ZNF438: variants seen among roughly 807,000 people sequenced by gnomAD.
ZNF438 encodes zinc finger protein 438.
ZNF438 carries 25 observed loss-of-function variants against 38.0 expected under a neutral mutation model. The observed-to-expected ratio is 0.66, with a 90% CI of 0.48 to 0.92. The LOEUF is 0.92. ZNF438 is among the 40% of genes least tolerant of loss of function. The pLI is 0.00. For synonymous variants in ZNF438, 372 were observed against 364.1 expected (o/e 1.02, Z -0.25); for missense variants, 1,007 against 999.6 (o/e 1.01, Z -0.10).
At chr10:30,995,702 C>A (rs1343195924) in intron 1 of ZNF438, among the ~76,000 whole-genome samples, 1 of 152,232 alleles carries the variant, frequency 6.6e-6, no homozygotes, top group African/African-American at 2.4e-5. Context: ...ATTGGGCTAA[C>A]AACATTTACT....
At chr10:30,920,489 A>G (rs1327994944) in intron 2 of ZNF438, 1 of 152,044 alleles carries the variant, frequency 6.6e-6, no homozygotes, top group Admixed American at 6.5e-5. Flanking sequence ...TCCTTCTTTC[A>G]TAGGTATCCT....
intron 1 of ZNF438, among the ~76,000 whole-genome samples, chr10:30,986,449 G>A (rs973158720): frequency 6.6e-6 from 1 of 152,156 alleles, no homozygotes; most frequent in African/African-American, 2.4e-5. Flanking sequence ...TATGAGAGCT[G>A]AAGGAAATCA....
chr10:30,872,425 CAAAAAAAAAAAAAAAAA>C (rs566401687), intron 4 of ZNF438, among the ~76,000 whole-genome samples: 15 of 58,694 alleles, frequency 2.6e-4, no homozygotes, highest in African/African-American at 4.8e-4. Flanking sequence ...GACTCTGTCT[CAAAAAAAAAAAAAAAAA>C]AAAAAAAAAA....
At chr10:30,851,899 C>T in intron 4 of ZNF438, among the ~76,000 whole-genome samples, 1 of 152,162 alleles carries the variant, frequency 6.6e-6, no homozygotes, top group East Asian at 1.9e-4. Context: ...GGGCTCACGT[C>T]TATAATCCTA....
intron 4 of ZNF438, among the ~76,000 whole-genome samples, chr10:30,868,324 G>A (rs1455647224): frequency 6.6e-6 from 1 of 152,174 alleles, no homozygotes; most frequent in South Asian, 2.1e-4. Flanking sequence ...GCCCGCCTCA[G>A]CCTCCCAAAG....
intron 2 of ZNF438, among the ~76,000 whole-genome samples, chr10:30,938,244 G>A (rs927348541): frequency 6.6e-6 from 1 of 151,538 alleles, no homozygotes; most frequent in Non-Finnish European, 1.5e-5. Flanking sequence ...CTATTCATGC[G>A]GTTAATCCAA....
intron 4 of ZNF438, among the ~76,000 whole-genome samples, chr10:30,856,989 C>T (rs1588804815): frequency 6.6e-6 from 1 of 152,066 alleles, no homozygotes; most frequent in African/African-American, 2.4e-5. Context: ...AATCTTCATC[C>T]AAACTCTGCG....
chr10:30,914,763 T>C (rs1435279590), intron 2 of ZNF438, among the ~76,000 whole-genome samples: 1 of 151,750 alleles, frequency 6.6e-6, no homozygotes, highest in African/African-American at 2.4e-5. Flanking sequence ...TGTCAGCCCA[T>C]GAAGAAAGGG....
intron 1 of ZNF438, among the ~76,000 whole-genome samples, chr10:30,960,376 C>T (rs2049330070): frequency 6.8e-6 from 1 of 147,262 alleles, no homozygotes; most frequent in South Asian, 2.1e-4. Flanking sequence ...TTCTTCTATG[C>T]TTTCTTTTAG....
At chr10:30,868,351 G>C (rs2036827914) in intron 4 of ZNF438, among the ~76,000 whole-genome samples, 1 of 152,126 alleles carries the variant, frequency 6.6e-6, no homozygotes, top group Non-Finnish European at 1.5e-5. Flanking sequence ...GATTACAGGT[G>C]TGAACCACCG....
chr10:31,019,996 A>G (rs2056473955), intron 1 of ZNF438, among the ~76,000 whole-genome samples: 1 of 152,240 alleles, frequency 6.6e-6, no homozygotes, highest in South Asian at 2.1e-4. Flanking sequence ...TTATTGAAGA[A>G]CATGTAACTC....
intron 4 of ZNF438, chr10:30,875,445 G>A: frequency 6.1e-6 from 6 of 979,626 alleles, no homozygotes; most frequent in Non-Finnish European, 7.3e-6. Context: ...AGGCAGGTAT[G>A]GAATGGAGTC....
chr10:30,845,516 T>C (rs760458525), exon 6 of ZNF438: 2 of 1,614,086 alleles, frequency 1.2e-6, no homozygotes, highest in Admixed American at 1.7e-5. Flanking sequence ...TGATTTGTAA[T>C]TTGACTTCGT....
At chr10:31,024,267 A>G (rs570909865) in intron 1 of ZNF438, among the ~76,000 whole-genome samples, 10 of 152,248 alleles carry the variant, frequency 6.6e-5, no homozygotes, top group Non-Finnish European at 1.2e-4. Flanking sequence ...AATGAGAGTA[A>G]TAACTCTATT....
At chr10:30,948,101 G>T (rs931321873) in intron 1 of ZNF438, among the ~76,000 whole-genome samples, 4 of 152,100 alleles carry the variant, frequency 2.6e-5, no homozygotes, top group East Asian at 1.9e-4. Context: ...CCTGACCCCT[G>T]AGCAGCCTAA....
At chr10:30,860,614 T>C (rs1242154461) in intron 4 of ZNF438, among the ~76,000 whole-genome samples, 4 of 152,178 alleles carry the variant, frequency 2.6e-5, no homozygotes, top group Non-Finnish European at 5.9e-5. Context: ...TCTAATCCAA[T>C]CCGTCTTGCC....
intron 1 of ZNF438, among the ~76,000 whole-genome samples, chr10:30,985,631 T>C (rs912758606): frequency 3.3e-5 from 5 of 152,248 alleles, no homozygotes; most frequent in Non-Finnish European, 7.3e-5. Context: ...ATTGCTTTAA[T>C]TGCTACTTAA....
chr10:30,979,538 C>T (rs1564784656), intron 1 of ZNF438, among the ~76,000 whole-genome samples: 1 of 152,210 alleles, frequency 6.6e-6, no homozygotes, highest in Non-Finnish European at 1.5e-5. Context: ...GTAACTAAAA[C>T]AGTATGGTAC....
At chr10:30,953,325 C>A (rs1394049982) in intron 1 of ZNF438, among the ~76,000 whole-genome samples, 2 of 151,886 alleles carry the variant, frequency 1.3e-5, no homozygotes, top group African/African-American at 2.4e-5. Flanking sequence ...GTGGGTGCAG[C>A]GCACCAGCGT....
Sources: allele counts gnomAD v4.1 joint callset (sites outside exome capture counted in the v4.1 genomes callset), GRCh38; gene constraint gnomAD v4.1.1; transcripts MANE v1.5; gene names NCBI Gene and HGNC (gene_info 2026-07-23, HGNC 2026-07-21).